Variants in PRAMEF9 observed in about 807,000 individuals in gnomAD.
PRAMEF9 encodes the protein PRAME family member 9, also known as PRAME family member 9/15.
A neutral mutation model predicts 10.9 loss-of-function variants in PRAMEF9; 1 was observed. That is an observed-to-expected ratio of 0.09 (90% CI 0.03 to 0.44). The LOEUF is 0.44. PRAMEF9 is among the 20% of genes least tolerant of loss of function. The probability of loss-of-function intolerance (pLI) is 0.97; values close to 1 mark genes in which losing one functional copy is unlikely to be tolerated. For missense variants in PRAMEF9, 126 were observed against 379.8 expected (o/e 0.33, Z 5.55); for synonymous variants, 40 against 148.3 (o/e 0.27, Z 5.31).
Position 13,179,038 on chromosome 1 carries a change from G to C in PRAMEF9, c.1343G>C (p.Arg448Thr). ...AELMNRVRDL[R>T]HPKRIFFCID... ...CTGATGAACAGAGTGAGGGACTTAA[G>C]GCACCCCAAGAGGATCTTTTTCTGT... The change falls in exon 4 of 4, where the codon AGG (arginine) becomes ACG (threonine). Residue 448 changes from arginine to threonine, a missense_variant. Coordinates refer to ENST00000415919, the MANE Select transcript of PRAMEF9 (RefSeq NM_001010890.3). 2.6e-6 allele frequency: 4 copies of C among 1,541,378 alleles called. 1 individual carries two copies. Among genetic ancestry groups the C allele is most frequent in the South Asian group, 1.1e-5 (1 of 89,116 alleles).
rs1340190665 is a variant in PRAMEF9 at position 13,172,085 on chromosome 1, G to A, written c.-464G>A. 1 of 143,216 alleles carries A rather than the reference G, an allele frequency of 7.0e-6. No homozygotes were observed. Among genetic ancestry groups the A allele is most frequent in the African/African-American group, 2.4e-5 (1 of 40,862 alleles). 8.9% of individuals were successfully genotyped at this position (143,216 alleles called of 1,614,324 possible). A position where few individuals can be genotyped will look rare whatever the true frequency, so the allele number is the denominator to read the frequency against. ...AGGTAGGGTTTTACCATGTTGGCCA[G>A]GCTTGTCTCAAACTCCTGACCTCAG... On this transcript the variant is annotated 5_prime_UTR_variant, in exon 1 of 4. Coordinates refer to ENST00000415919, the MANE Select transcript of PRAMEF9 (RefSeq NM_001010890.3).
chr1:13,179,318 A>T lies in PRAMEF9; in HGVS notation c.*186A>T, dbSNP rs1306543259. ...TGGGGGAAATGTTGCCATGGATTCG[A>T]TGGGACTTTGGGGACCTGTATCCTG... On this transcript the variant is annotated 3_prime_UTR_variant, in exon 4 of 4. Coordinates refer to ENST00000415919, the MANE Select transcript of PRAMEF9 (RefSeq NM_001010890.3). The T allele has an allele frequency of 7.7e-6, 6 of 780,272 alleles. No individual in the cohort carries two copies. The highest frequency in any genetic ancestry group is 4.9e-5 in the African/African-American group (3 of 60,834). 48.3% of individuals were successfully genotyped at this position (780,272 alleles called of 1,614,324 possible).
At position 13,175,040 on chromosome 1, in the gene PRAMEF9, G is replaced by T. The variant is rs1214870623; in HGVS notation, c.-16-225G>T. ...ACTGGATGGAGCACTGGATAGAAAGGAAGGGCTCGTGGTGACCCTGCTTCC... is the reference window on the plus strand; with the variant it reads ...ACTGGATGGAGCACTGGATAGAAAGTAAGGGCTCGTGGTGACCCTGCTTCC... On this transcript the variant is annotated intron_variant, in intron 1 of 3. Transcript: ENST00000415919. 9.5e-6 allele frequency: 5 copies of T among 526,482 alleles called. No homozygotes were observed. In the Admixed American group the frequency reaches 1.0e-4, roughly 11 times the overall value. 32.6% of individuals were successfully genotyped at this position (526,482 alleles called of 1,614,324 possible). A position where few individuals can be genotyped will look rare whatever the true frequency, so the allele number is the denominator to read the frequency against.
intron 1 of PRAMEF9, chr1:13,173,311 C>A (rs1638349963): frequency 3.7e-5 from 2 of 54,432 alleles, no homozygotes; most frequent in African/African-American, 8.6e-5. Flanking sequence ...AAAACAAAAT[C>A]AATCAAAAAG....
rs1216116294 is a variant in PRAMEF9, at chr1:13,172,167, G to C, written c.-382G>C. ...TGGGATTACAGGTGTGAGCCACTTC[G>C]TCTGGCCTTGAATGAATGTATTCTT... On this transcript the variant is annotated 5_prime_UTR_variant, in exon 1 of 4. Transcript: ENST00000415919. 1 of 144,446 alleles carries C rather than the reference G, an allele frequency of 6.9e-6. No individual in the cohort carries two copies. The highest frequency in any genetic ancestry group is 2.4e-5 in the African/African-American group (1 of 41,012). The allele number at this position is 144,446 out of a possible 1,614,324, so 8.9% of individuals were successfully genotyped here.
intron 1 of PRAMEF9, chr1:13,172,879 T>C (rs1441001255): frequency 7.1e-6 from 1 of 140,448 alleles, no homozygotes; most frequent in Non-Finnish European, 1.6e-5. Flanking sequence ...CACAACGTTT[T>C]TTTTGAGGGT....
chr1:13,178,947 C>G lies in PRAMEF9; in HGVS notation c.1252C>G (p.Pro418Ala), dbSNP rs782522645. 6.5e-7 allele frequency: 1 copy of G among 1,534,558 alleles called. No individual in the cohort carries two copies. The highest frequency in any genetic ancestry group is 1.1e-5 in the South Asian group (1 of 88,846). The stretch of plus-strand genomic sequence containing the variant: ...CTTATGCGTGGAGGTGTATCCTGCC[C>G]CGCGGGAGAGTTATGGTGCTGATGG... Reference protein sequence around the residue: ...KNLCVEVYPAPRESYGADGTL... With the variant: ...KNLCVEVYPAARESYGADGTL... Residue 418 changes from proline (P) to alanine (A), a missense_variant, in exon 4 of 4, where the codon CCG becomes GCG. Physicochemically the swap from Pro to Ala is conservative, Grantham distance 27. Transcript: ENST00000415919.
chr1:13,172,572 T>A lies in PRAMEF9; in HGVS notation c.-17+40T>A, dbSNP rs1297002307. The A allele has an allele frequency of 1.1e-4, 16 of 139,992 alleles. 1 individual carries two copies. Among genetic ancestry groups the A allele is most frequent in the Admixed American group, 3.7e-4 (5 of 13,408 alleles). 8.7% of individuals were successfully genotyped at this position (139,992 alleles called of 1,614,324 possible). ...TCTGTAAGGACACTCCCATCTGACCTACAGTCAGTCAGTCTGGGATGGTGA... is the reference window on the plus strand; with the variant it reads ...TCTGTAAGGACACTCCCATCTGACCAACAGTCAGTCAGTCTGGGATGGTGA... On this transcript the variant is annotated intron_variant, in intron 1 of 3. Transcript: ENST00000415919.
chr1:13,172,438 A>G lies in PRAMEF9; in HGVS notation c.-111A>G, dbSNP rs1206997604. On this transcript the variant is annotated 5_prime_UTR_variant, in exon 1 of 4. It removes the in-frame stop codon of an upstream open reading frame in the 5' UTR. Transcript: ENST00000415919. The stretch of plus-strand genomic sequence containing the variant: ...ATTAGAAAGGTCAATAAAAGCTTCT[A>G]AAGACCCACAGGAGAGACCCAAAGT... 7.7e-5 allele frequency: 11 copies of G among 142,090 alleles called. No individual in the cohort carries two copies. The highest frequency in any genetic ancestry group is 2.2e-4 in the African/African-American group (9 of 40,794). The allele number at this position is 142,090 out of a possible 1,614,324, so 8.8% of individuals were successfully genotyped here. A position where few individuals can be genotyped will look rare whatever the true frequency, so the allele number is the denominator to read the frequency against.
At position 13,172,025 on chromosome 1, in the gene PRAMEF9, C is replaced by T. The variant is rs1638322146; in HGVS notation, c.-524C>T. Reference sequence around the variant, plus strand: ...TAGTAGCCTGGACTATAGGCGCAGACCACCGCAACTGGCTAATTTTTGTAA... The same window carrying T: ...TAGTAGCCTGGACTATAGGCGCAGATCACCGCAACTGGCTAATTTTTGTAA... On this transcript the variant is annotated 5_prime_UTR_variant, in exon 1 of 4. Transcript: ENST00000415919. 7.0e-6 allele frequency: 1 copy of T among 143,082 alleles called. No homozygotes were observed. The highest frequency in any genetic ancestry group is 2.4e-5 in the African/African-American group (1 of 40,858). 8.9% of individuals were successfully genotyped at this position (143,082 alleles called of 1,614,324 possible). A position where few individuals can be genotyped will look rare whatever the true frequency, so the allele number is the denominator to read the frequency against.
At position 13,175,077 on chromosome 1, in the gene PRAMEF9, G is replaced by A; in HGVS notation, c.-16-188G>A. 4.7e-6 allele frequency: 3 copies of A among 642,082 alleles called. 1 individual carries two copies. Among genetic ancestry groups the A allele is most frequent in the South Asian group, 3.9e-5 (2 of 51,884 alleles). The allele number at this position is 642,082 out of a possible 1,614,324, so 39.8% of individuals were successfully genotyped here. On this transcript the variant is annotated intron_variant, in intron 1 of 3. Coordinates refer to ENST00000415919, the MANE Select transcript of PRAMEF9 (RefSeq NM_001010890.3). The stretch of plus-strand genomic sequence containing the variant: ...GTGACCCTGCTTCCTCACTGCTTCG[G>A]AGACGCTCATGCTGATGCAGCAGAG...
At position 13,175,449 on chromosome 1, in the gene PRAMEF9, A is replaced by T. The variant is rs1194198014; in HGVS notation, c.169A>T (p.Met57Leu). The change falls in exon 2 of 4, where the codon ATG (methionine) becomes TTG (leucine). Residue 57 changes from methionine to leucine, a missense_variant. Transcript: ENST00000415919. ...SRRRCEALKL[M>L]VQAWPFRRLP... ...GAGACGCTGTGAGGCCCTGAAGCTG[A>T]TGGTGCAGGCCTGGCCCTTCCGCCG... The T allele has an allele frequency of 2.0e-6, 3 of 1,532,250 alleles. 1 individual carries two copies. Among genetic ancestry groups the T allele is most frequent in the Non-Finnish European group, 2.7e-6 (3 of 1,119,462 alleles). The allele number at this position is 1,532,250 out of a possible 1,614,324, so 94.9% of individuals were successfully genotyped here. A position where few individuals can be genotyped will look rare whatever the true frequency, so the allele number is the denominator to read the frequency against.
intron 1 of PRAMEF9, 163 bp from the exon 2 acceptor site, chr1:13,175,102 G>A: frequency 1.3e-6 from 1 of 749,274 alleles, no homozygotes; most frequent in Non-Finnish European, 2.2e-6. Context: ...ATGCAGCAGA[G>A]GCAGAATGCT....
Position 13,179,046 on chromosome 1 carries a change from A to C in PRAMEF9, c.1351A>C (p.Lys451Gln), listed in dbSNP as rs782597611. The part of the protein sequence containing the change: ...MNRVRDLRHP[K>Q]RIFFCIDNCP... ...CAGAGTGAGGGACTTAAGGCACCCC[A>C]AGAGGATCTTTTTCTGTATTGACAA... is the stretch of plus-strand genomic sequence containing the variant. The change falls in exon 4 of 4, where the codon AAG (lysine) becomes CAG (glutamine). Residue 451 changes from lysine to glutamine, a missense_variant. Lys to Gln is a moderately conservative substitution (Grantham distance 53, BLOSUM62 1). Coordinates refer to ENST00000415919, the MANE Select transcript of PRAMEF9 (RefSeq NM_001010890.3). 1 of 1,541,246 alleles carries C rather than the reference A, an allele frequency of 6.5e-7. No homozygotes were observed. Among genetic ancestry groups the C allele is most frequent in the African/African-American group, 1.3e-5 (1 of 74,172 alleles).
chr1:13,175,356 G>C lies in PRAMEF9; in HGVS notation c.76G>C (p.Ala26Pro), dbSNP rs1167898250. ...GAGCCTGCTGAGGGACCAAGCCTTG[G>C]CCATGTCCACCCTGGAGGAGCTGCC... ...GRSLLRDQAL[A>P]MSTLEELPTE... Residue 26 changes from alanine (A) to proline (P), a missense_variant, in exon 2 of 4, where the codon GCC becomes CCC. By Grantham distance (27) the Ala-to-Pro change is conservative (BLOSUM62 -1). Transcript: ENST00000415919. 1.1e-5 allele frequency: 14 copies of C among 1,220,352 alleles called. 2 individuals carry two copies. The highest frequency in any genetic ancestry group is 1.6e-5 in the Non-Finnish European group (14 of 856,878). 75.6% of individuals were successfully genotyped at this position (1,220,352 alleles called of 1,614,324 possible). A position where few individuals can be genotyped will look rare whatever the true frequency, so the allele number is the denominator to read the frequency against.
chr1:13,172,213 C>T lies in PRAMEF9; in HGVS notation c.-336C>T, dbSNP rs1328966585. The T allele has an allele frequency of 6.9e-6, 1 of 144,732 alleles. No individual in the cohort carries two copies. The highest frequency in any genetic ancestry group is 2.4e-5 in the African/African-American group (1 of 41,016). The allele number at this position is 144,732 out of a possible 1,614,324, so 9.0% of individuals were successfully genotyped here. ...TTCTTGACTTCTACCCTATCCCTAA[C>T]ACTGTCAATTTCTTGCTTCGTGAAG... is the stretch of plus-strand genomic sequence containing the variant. On this transcript the variant is annotated 5_prime_UTR_variant, in exon 1 of 4. Coordinates refer to ENST00000415919, the MANE Select transcript of PRAMEF9 (RefSeq NM_001010890.3).
At chr1:13,172,661 T>A (rs1178056929) in intron 1 of PRAMEF9, 129 bp downstream of exon 1, 1 of 134,102 alleles carries the variant, frequency 7.5e-6, no homozygotes, top group African/African-American at 2.5e-5. Flanking sequence ...TATGAACAAT[T>A]TGAAGCTTTG....
In PRAMEF9 at chr1:13,172,281, A is replaced by G. The variant is rs1385930122; in HGVS notation, c.-268A>G. 8.4e-5 allele frequency: 12 copies of G among 142,604 alleles called. No individual in the cohort carries two copies. Among genetic ancestry groups the G allele is most frequent in the African/African-American group, 1.9e-4 (8 of 41,052 alleles). The allele number at this position is 142,604 out of a possible 1,614,324, so 8.8% of individuals were successfully genotyped here. A position where few individuals can be genotyped will look rare whatever the true frequency, so the allele number is the denominator to read the frequency against. On this transcript the variant is annotated 5_prime_UTR_variant, in exon 1 of 4. Coordinates refer to ENST00000415919, the MANE Select transcript of PRAMEF9 (RefSeq NM_001010890.3). The stretch of plus-strand genomic sequence containing the variant: ...TATGAATGGACATCTGATTCAATCC[A>G]TTAATCTGGGGAGAGCCAAAAACCC...
At chr1:13,172,604 A>C (rs1178573365) in intron 1 of PRAMEF9, 72 bp downstream of exon 1, 3 of 137,960 alleles carry the variant, frequency 2.2e-5, no homozygotes, top group African/African-American at 7.4e-5. Flanking sequence ...GTGACAGTGC[A>C]GCCTAAGATG....
Sources: gnomAD v4.1 joint callset for allele counts on GRCh38, gnomAD v4.1.1 for gene constraint, MANE v1.5 for transcripts, NCBI Gene and HGNC (gene_info 2026-07-23, HGNC 2026-07-21) for gene names.